The following AK1 variants were observed in gnomAD, a reference collection of about 807,000 sequenced individuals.
The protein encoded by AK1 is adenylate kinase isoenzyme 1.
Under a neutral mutation model 23.9 loss-of-function variants are expected in AK1, and 13 were observed. The observed-to-expected ratio is 0.54, with a 90% CI of 0.35 to 0.86. The LOEUF (loss-of-function observed/expected upper bound fraction) is 0.86. Ranked by LOEUF, AK1 falls within the 40% of genes least tolerant of loss-of-function variation. The probability of loss-of-function intolerance (pLI) is 0.01; values close to 1 mark genes in which losing one functional copy is unlikely to be tolerated. For missense variants in AK1, 214 were observed against 255.1 expected, an observed-to-expected ratio of 0.84 and a Z score of 1.10; for synonymous variants, 97 against 102.8, an observed-to-expected ratio of 0.94 and a Z score of 0.34.
At position 127,867,847 on chromosome 9, in the gene AK1, G is replaced by C. The variant is rs1385413884; in HGVS notation, c.*161C>G. 1.4e-6 allele frequency: 1 copy of C among 689,982 alleles called. No homozygotes were observed. Among genetic ancestry groups the C allele is most frequent in the African/African-American group, 1.8e-5 (1 of 56,098 alleles). The allele number at this position is 689,982 out of a possible 1,614,324, so 42.7% of individuals were successfully genotyped here. A position where few individuals can be genotyped will look rare whatever the true frequency, so the allele number is the denominator to read the frequency against. On this transcript the variant is annotated 3_prime_UTR_variant, in exon 7 of 7. Transcript: ENST00000644144. ...AAAGCAGTAAAACCAAATGTCCTTA[G>C]AAATTCCTTTAGTGCTCAGCTGTCC...
chr9:127,871,805 C>T lies in AK1; in HGVS notation c.324+18G>A. Reference sequence around the variant, plus strand: ...CTGCCCCAGCCCACCAGGATCCCCACTTGGGTCAGTGCCTTACCCGTCGCT... The same window carrying T: ...CTGCCCCAGCCCACCAGGATCCCCATTTGGGTCAGTGCCTTACCCGTCGCT... On this transcript the variant is annotated intron_variant, in intron 5 of 6. Transcript: ENST00000644144. The surrounding 1 kb of genome is among the most constrained non-coding windows in gnomAD (Gnocchi z 4.4). The T allele has an allele frequency of 6.2e-7, 1 of 1,609,084 alleles. No homozygotes were observed. Among genetic ancestry groups the T allele is most frequent in the Non-Finnish European group, 8.5e-7 (1 of 1,175,468 alleles).
Position 127,867,597 on chromosome 9 carries a change from G to T in AK1, c.*411C>A. 3.8e-6 allele frequency: 1 copy of T among 263,968 alleles called. No homozygotes were observed. Among genetic ancestry groups the T allele is most frequent in the Non-Finnish European group, 7.5e-6 (1 of 133,808 alleles). 16.4% of individuals were successfully genotyped at this position (263,968 alleles called of 1,614,324 possible). ...ATGCAGAGGAGCCCAGGCTGGGACC[G>T]GTTCTGCCTGAACATGAGCCCCTCG... On this transcript the variant is annotated 3_prime_UTR_variant, in exon 7 of 7. Transcript: ENST00000644144.
intron 2 of AK1, chr9:127,873,266 G>T: frequency 6.5e-7 from 1 of 1,532,754 alleles, no homozygotes; most frequent in Non-Finnish European, 8.7e-7. Context: ...GGAAGAGAGG[G>T]TGCTCCAGGC....
In AK1 at chr9:127,867,832, A is replaced by G; in HGVS notation, c.*176T>C. ...ACTGGAAGCAGAGAAAAAGCAGTAA[A>G]ACCAAATGTCCTTAGAAATTCCTTT... is the stretch of plus-strand genomic sequence containing the variant. On this transcript the variant is annotated 3_prime_UTR_variant, in exon 7 of 7. Transcript: ENST00000644144. 1.5e-6 allele frequency: 1 copy of G among 646,508 alleles called. No individual in the cohort carries two copies. Among genetic ancestry groups the G allele is most frequent in the Non-Finnish European group, 2.7e-6 (1 of 365,742 alleles). The allele number at this position is 646,508 out of a possible 1,614,324, so 40.0% of individuals were successfully genotyped here. A position where few individuals can be genotyped will look rare whatever the true frequency, so the allele number is the denominator to read the frequency against.
Position 127,873,247 on chromosome 9 carries a change from A to G in AK1, c.8-186T>C, listed in dbSNP as rs116396454. ...GATGTGAGTGAGCTCGGAGCCTGGG[A>G]GAGGTCAGGGAAGAGAGGGTGCTCC... On this transcript the variant is annotated intron_variant, in intron 2 of 6. Transcript: ENST00000644144. The G allele has an allele frequency of 2.7e-3, 4,208 of 1,536,240 alleles. 102 individuals are homozygous for G. The African/African-American group carries it at 0.049, about 18-fold the overall frequency.
rs200905575 is a variant in AK1 at position 127,874,629 on chromosome 9, C to T, written c.-12G>A. 1 of 1,613,762 alleles carries T rather than the reference C, an allele frequency of 6.2e-7. No individual in the cohort carries two copies. The highest frequency in any genetic ancestry group is 2.2e-5 in the East Asian group (1 of 44,868). On this transcript the variant is annotated 5_prime_UTR_variant, in exon 2 of 7. Coordinates refer to ENST00000644144, the MANE Select transcript of AK1 (RefSeq NM_000476.3). ...CTCATACCTTCCATCCTGCCGAGGT[C>T]CCGGGAGCCGTGTCAGTGCTCTGTA...
rs559475560 is a variant in AK1, at chr9:127,873,236, C to T, written c.8-175G>A. The T allele has an allele frequency of 1.9e-5, 29 of 1,536,804 alleles. No homozygotes were observed. The South Asian group carries it at 2.5e-4, about 13-fold the overall frequency. On this transcript the variant is annotated intron_variant, in intron 2 of 6. Coordinates refer to ENST00000644144, the MANE Select transcript of AK1 (RefSeq NM_000476.3). Reference sequence around the variant, plus strand: ...GAGTCAGCAGGGATGTGAGTGAGCTCGGAGCCTGGGAGAGGTCAGGGAAGA... The same window carrying T: ...GAGTCAGCAGGGATGTGAGTGAGCTTGGAGCCTGGGAGAGGTCAGGGAAGA...
intron 5 of AK1, among the ~76,000 whole-genome samples, chr9:127,870,765 G>A (rs1829376435): frequency 6.6e-6 from 1 of 151,826 alleles, no homozygotes; most frequent in South Asian, 2.1e-4. Flanking sequence ...ATCCCCAGAT[G>A]AGGCTGGAAG....
rs752647287 is a variant in AK1, at chr9:127,868,457, T to C, written c.380A>G (p.Gln127Arg). ...GGTCTCTCCACGTTTCAAGAGCCGC[T>C]GGGTCATGGTCTCAGGGCCTGCGTC... ...YVDAGPETMT[Q>R]RLLKRGETSG... The change falls in exon 6 of 7, where the codon CAG becomes CGG. Residue 127 changes from glutamine (Q) to arginine (R), a missense_variant. By Grantham distance (43) the Gln-to-Arg change is conservative. Coordinates refer to ENST00000644144, the MANE Select transcript of AK1 (RefSeq NM_000476.3). The surrounding 1 kb of genome is among the most constrained non-coding windows in gnomAD (Gnocchi z 4.1). The C allele has an allele frequency of 3.7e-6, 6 of 1,608,390 alleles. No individual in the cohort carries two copies. Among genetic ancestry groups the C allele is most frequent in the Non-Finnish European group, 5.1e-6 (6 of 1,177,494 alleles).
At position 127,867,535 on chromosome 9, in the gene AK1, A is replaced by G. The variant is rs1829274384; in HGVS notation, c.*473T>C. 2 of 210,384 alleles carry G rather than the reference A, an allele frequency of 9.5e-6. No individual in the cohort carries two copies. The highest frequency in any genetic ancestry group is 1.9e-5 in the Non-Finnish European group (2 of 102,954). The allele number at this position is 210,384 out of a possible 1,614,324, so 13.0% of individuals were successfully genotyped here. ...AGGGCCAGGCATGGAACATATGCTC[A>G]GAGCGATGGGGGTCAGGGCCAAGGC... On this transcript the variant is annotated 3_prime_UTR_variant, in exon 7 of 7. Coordinates refer to ENST00000644144, the MANE Select transcript of AK1 (RefSeq NM_000476.3).
At chr9:127,873,379 C>T (rs1829463206) in intron 2 of AK1, 1 of 1,576,074 alleles carries the variant, frequency 6.3e-7, no homozygotes, top group Non-Finnish European at 8.6e-7. Flanking sequence ...GTGCCTGGAC[C>T]CCGGGGCCGG....
Position 127,867,635 on chromosome 9 carries a change from C to G in AK1, c.*373G>C. On this transcript the variant is annotated 3_prime_UTR_variant, in exon 7 of 7. Transcript: ENST00000644144. ...CATGAGCCCCTCGGAGCAGGGGCCC[C>G]GCCACTCAGCGCCGGGTCCTCAGGC... is the stretch of plus-strand genomic sequence containing the variant. 3.4e-6 allele frequency: 1 copy of G among 294,490 alleles called. No individual in the cohort carries two copies. The highest frequency in any genetic ancestry group is 3.6e-5 in the South Asian group (1 of 28,114). The allele number at this position is 294,490 out of a possible 1,614,324, so 18.2% of individuals were successfully genotyped here.
chr9:127,878,027 C>G (rs1041588777), upstream of AK1, among the ~76,000 whole-genome samples: 1 of 152,244 alleles, frequency 6.6e-6, no homozygotes, highest in African/African-American at 2.4e-5. Context: ...AAGAGCGGCT[C>G]TTTCCGCAAA....
Position 127,871,874 on chromosome 9 carries a change from C to T in AK1, c.273G>A (p.Leu91=). Residue 91 remains leucine, a synonymous_variant, in exon 5 of 7, where the codon CTG becomes CTA. Transcript: ENST00000644144. This position sits in a 1 kb window ranked among gnomAD's most constrained non-coding sequence, Gnocchi z 4.4. ...VAKVNTSKGF[L]IDGYPREVQQ... Reference sequence around the variant, plus strand: ...GCACCTCCCGCGGGTAGCCATCAATCAGGAAGCCTTTGGAAGTATTGACTT... The same window carrying T: ...GCACCTCCCGCGGGTAGCCATCAATTAGGAAGCCTTTGGAAGTATTGACTT... 1 of 1,614,186 alleles carries T rather than the reference C, an allele frequency of 6.2e-7. No homozygotes were observed. Among genetic ancestry groups the T allele is most frequent in the Non-Finnish European group, 8.5e-7 (1 of 1,180,032 alleles).
rs940443612 is a variant in AK1, at chr9:127,868,447, C to T, written c.390G>A (p.Leu130=). The change falls in exon 6 of 7, where the codon TTG becomes TTA. Residue 130 remains leucine, a synonymous_variant. Transcript: ENST00000644144. The surrounding 1 kb of genome is among the most constrained non-coding windows in gnomAD (Gnocchi z 4.1). Reference sequence around the variant, plus strand: ...CACGCCCGCTGGTCTCTCCACGTTTCAAGAGCCGCTGGGTCATGGTCTCAG... The same window carrying T: ...CACGCCCGCTGGTCTCTCCACGTTTTAAGAGCCGCTGGGTCATGGTCTCAG... The part of the protein sequence containing the change: ...AGPETMTQRL[L]KRGETSGRVD... 7 of 1,610,048 alleles carry T rather than the reference C, an allele frequency of 4.3e-6. No homozygotes were observed. Among genetic ancestry groups the T allele is most frequent in the African/African-American group, 1.3e-5 (1 of 74,868 alleles).
At chr9:127,873,672 T>G in intron 2 of AK1, 2 of 1,363,320 alleles carry the variant, frequency 1.5e-6, no homozygotes, top group Non-Finnish European at 1.9e-6. Context: ...TGCTGTTAGA[T>G]CCCAGCAAGG....
At chr9:127,878,439 G>C (rs1028646556), upstream of AK1, 18 of 152,404 alleles carry the variant, frequency 1.2e-4, no homozygotes, top group African/African-American at 4.1e-4. Flanking sequence ...ACACAGCAGA[G>C]AACGGGAGGC....
At position 127,868,268 on chromosome 9, in the gene AK1, G is replaced by A. The variant is rs1287248820; in HGVS notation, c.516+53C>T. 3.3e-6 allele frequency: 5 copies of A among 1,532,036 alleles called. No individual in the cohort carries two copies. The East Asian group carries it at 7.3e-5, about 22-fold the overall frequency. The allele number at this position is 1,532,036 out of a possible 1,614,324, so 94.9% of individuals were successfully genotyped here. On this transcript the variant is annotated intron_variant, in intron 6 of 6. Coordinates refer to ENST00000644144, the MANE Select transcript of AK1 (RefSeq NM_000476.3). This position sits in a 1 kb window ranked among gnomAD's most constrained non-coding sequence, Gnocchi z 4.1. ...AGGCCACACAGTGAGCTGAGGCGGA[G>A]CCACATAGGAACCCGTTCTTCCCGG...
Position 127,873,312 on chromosome 9 carries a change from G to C in AK1, c.8-251C>G, listed in dbSNP as rs530072454. 3.9e-6 allele frequency: 6 copies of C among 1,536,960 alleles called. No homozygotes were observed. In the East Asian group the frequency reaches 9.8e-5, roughly 25 times the overall value. On this transcript the variant is annotated intron_variant, in intron 2 of 6. Transcript: ENST00000644144. ...GCAGAGGCAAAAGCCTAAAGGCTAA[G>C]TACTCTCCACACAGCCAGCGGGCTG...
Sources: allele counts gnomAD v4.1 joint callset (sites outside exome capture counted in the v4.1 genomes callset), GRCh38; gene constraint gnomAD v4.1.1; non-coding constraint Gnocchi (gnomAD v3.1); transcripts MANE v1.5; gene names NCBI Gene and HGNC (gene_info 2026-07-23, HGNC 2026-07-21).